RNPEP: variants seen among roughly 807,000 people sequenced by gnomAD.
The protein encoded by RNPEP is aminopeptidase B.
RNPEP carries 57 observed loss-of-function variants against 70.1 expected under a neutral mutation model. The ratio of observed to expected loss-of-function variants is 0.81; its 90% CI spans 0.66 to 1.01. The LOEUF (loss-of-function observed/expected upper bound fraction) is 1.01, where lower values mean the gene tolerates loss of function less well. Among genes scored for constraint, RNPEP ranks in the 50% least tolerant of loss-of-function variants. The pLI is 0.00. For synonymous variants in RNPEP, 335 were observed against 357.4 expected, an observed-to-expected ratio of 0.94 and a Z score of 0.71; for missense variants, 787 against 852.4, an observed-to-expected ratio of 0.92 and a Z score of 0.96.
intron 1 of RNPEP, among the ~76,000 whole-genome samples, chr1:201,987,025 C>A (rs549663536): frequency 6.6e-6 from 1 of 152,268 alleles, no homozygotes; most frequent in African/African-American, 2.4e-5. Flanking sequence ...TTTTCACACA[C>A]AAAAACTCAA....
chr1:201,996,045 C>G, intron 3 of RNPEP, 102 bp from the exon 4 acceptor site: 1 of 833,574 alleles, frequency 1.2e-6, no homozygotes. Flanking sequence ...TGCATTGTCA[C>G]ATTCACTTGG....
chr1:201,988,457 C>CA (rs142459545), intron 1 of RNPEP, among the ~76,000 whole-genome samples: 1,203 of 114,216 alleles, frequency 0.011, 47 homozygotes, highest in African/African-American at 0.031. Flanking sequence ...TACTCTGTCT[C>CA]AAAAAAAAAA....
intron 1 of RNPEP, among the ~76,000 whole-genome samples, chr1:201,986,183 C>A (rs1220125219): frequency 6.6e-6 from 1 of 152,262 alleles, no homozygotes; most frequent in African/African-American, 2.4e-5. Context: ...ATTCTCCCAT[C>A]TTGGCCTCCC....
At position 202,001,704 on chromosome 1, in the gene RNPEP, T is replaced by C. The variant is rs377258379; in HGVS notation, c.1363T>C (p.Phe455Leu). 1.2e-6 allele frequency: 2 copies of C among 1,613,902 alleles called. No individual in the cohort carries two copies. The highest frequency in any genetic ancestry group is 2.7e-5 in the African/African-American group (2 of 75,026). The change falls in exon 8 of 11, where the codon TTT (phenylalanine) becomes CTT (leucine). Residue 455 changes from phenylalanine (F) to leucine (L), a missense_variant. Coordinates refer to ENST00000295640, the MANE Select transcript of RNPEP (RefSeq NM_020216.4). ...ATTCCGAAGCATCTTAGCCGATGAC[T>C]TTCTGGACTTCTACTTGGAATATTT... ...FKFRSILADD[F>L]LDFYLEYFPE...
intron 5 of RNPEP, among the ~76,000 whole-genome samples, chr1:201,998,229 ACT>A (rs1683640191): frequency 1.0e-5 from 1 of 99,654 alleles, no homozygotes; most frequent in African/African-American, 3.8e-5. Context: ...CTGGGTCTGA[ACT>A]TTTTTTTTTT....
rs1289651955 is a variant in RNPEP at position 202,001,731 on chromosome 1, C to A, written c.1390C>A (p.Pro464Thr). ...TCTGGACTTCTACTTGGAATATTTC[C>A]CTGAGCTTAAGAAAAAGAGAGTGGA... ...DFLDFYLEYF[P>T]ELKKKRVDII... The change falls in exon 8 of 11, where the codon CCT (proline) becomes ACT (threonine). Residue 464 changes from proline (P) to threonine (T), a missense_variant. By Grantham distance (38) the Pro-to-Thr change is conservative. Transcript: ENST00000295640. 6.2e-7 allele frequency: 1 copy of A among 1,612,252 alleles called. No homozygotes were observed. The highest frequency in any genetic ancestry group is 1.3e-5 in the African/African-American group (1 of 74,858).
chr1:201,993,633 G>A (rs1683426154), intron 3 of RNPEP, among the ~76,000 whole-genome samples: 1 of 150,932 alleles, frequency 6.6e-6, no homozygotes, highest in South Asian at 2.1e-4. Flanking sequence ...AACAAACTCG[G>A]CCAGGTGCAG....
intron 9 of RNPEP, among the ~76,000 whole-genome samples, 179 bp from the exon 10 acceptor site, chr1:202,004,175 C>T (rs1447578010): frequency 6.6e-6 from 1 of 152,164 alleles, no homozygotes; most frequent in African/African-American, 2.4e-5. Context: ...AGGCGTGCGC[C>T]ACCACACCCG....
Position 202,001,410 on chromosome 1 carries a change from C to T in RNPEP, c.1239C>T (p.Pro413=). The change falls in exon 7 of 11, where the codon CCC becomes CCT. Residue 413 remains proline (P), a synonymous_variant. Transcript: ENST00000295640. ...CGGACGACACCTATAATGAGACCCCCTACGAGAAAGGTTTCTGCTTTGTTT... is the reference window on the plus strand; with the variant it reads ...CGGACGACACCTATAATGAGACCCCTTACGAGAAAGGTTTCTGCTTTGTTT... ...VDPDDTYNET[P]YEKGFCFVSY... The T allele has an allele frequency of 6.2e-7, 1 of 1,613,968 alleles. No homozygotes were observed. The highest frequency in any genetic ancestry group is 1.7e-4 in the Middle Eastern group (1 of 6,056).
chr1:202,000,893 TAAA>T lies in RNPEP; in HGVS notation c.1205-466_1205-464del, dbSNP rs35891956. On this transcript the variant is annotated intron_variant, in intron 6 of 10. Coordinates refer to ENST00000295640, the MANE Select transcript of RNPEP (RefSeq NM_020216.4). ...TGGGTGATAGAGCAAGACTCCGTCT[TAAA>T]AAAAAAAAAAAAAAAACATTGATCT... The T allele has an allele frequency of 3.0e-3, 401 of 134,318 alleles. 2 individuals are homozygous for T. Among genetic ancestry groups the T allele is most frequent in the Middle Eastern group, 7.6e-3 (2 of 262 alleles). 8.3% of individuals were successfully genotyped at this position (134,318 alleles called of 1,614,324 possible). A position where few individuals can be genotyped will look rare whatever the true frequency, so the allele number is the denominator to read the frequency against.
intron 1 of RNPEP, chr1:201,983,582 T>C (rs1683019145): frequency 7.7e-7 from 1 of 1,299,962 alleles, no homozygotes; most frequent in South Asian, 1.3e-5. Context: ...GATGTTGATC[T>C]AGCTCTTTGT....
intron 1 of RNPEP, 155 bp downstream of exon 1, chr1:201,983,268 C>A (rs1683006791): frequency 1.4e-6 from 2 of 1,440,584 alleles, no homozygotes; most frequent in Non-Finnish European, 1.8e-6. Flanking sequence ...CGCCTCTAGG[C>A]CTCCTCCCCT....
In RNPEP at chr1:201,988,936, A is replaced by C. The variant is rs1442952552; in HGVS notation, c.480A>C (p.Gly160=). ...GGTTGGCTCCCGAGCAGACAGCAGGAAAGAAGAAGCCCTTCGTGTACACCC... is the reference window on the plus strand; with the variant it reads ...GGTTGGCTCCCGAGCAGACAGCAGGCAAGAAGAAGCCCTTCGTGTACACCC... ...VCWLAPEQTA[G]KKKPFVYTQG... is the part of the protein sequence containing the mutation. Residue 160 remains glycine, a synonymous_variant, in exon 2 of 11, where the codon GGA becomes GGC. Transcript: ENST00000295640. 2 of 1,613,082 alleles carry C rather than the reference A, an allele frequency of 1.2e-6. No individual in the cohort carries two copies. The highest frequency in any genetic ancestry group is 2.7e-5 in the African/African-American group (2 of 74,888).
At chr1:201,983,479 G>A in intron 1 of RNPEP, 1 of 1,366,878 alleles carries the variant, frequency 7.3e-7, no homozygotes, top group East Asian at 4.2e-5. Context: ...TGTTGTTCAT[G>A]CACTTCACTT....
intron 1 of RNPEP, among the ~76,000 whole-genome samples, chr1:201,986,536 C>CTTTCTTT (rs1553303391): frequency 3.5e-4 from 28 of 80,594 alleles, no homozygotes; most frequent in South Asian, 3.3e-3. Flanking sequence ...CATTTTCTTT[C>CTTTCTTT]TTTTTTTTTT....
intron 1 of RNPEP, among the ~76,000 whole-genome samples, chr1:201,986,364 G>C (rs1452288846): frequency 6.6e-6 from 1 of 152,092 alleles, no homozygotes; most frequent in Non-Finnish European, 1.5e-5. Flanking sequence ...CGAAGTGCTG[G>C]CATTACAGGT....
intron 3 of RNPEP, 37 bp from the exon 4 acceptor site, chr1:201,996,110 A>G: frequency 1.9e-6 from 3 of 1,560,236 alleles, no homozygotes; most frequent in Non-Finnish European, 1.8e-6. Context: ...GATGGTCTCT[A>G]AACACCATTC....
intron 4 of RNPEP, among the ~76,000 whole-genome samples, chr1:201,996,967 G>A (rs1433946661): frequency 6.6e-6 from 1 of 152,132 alleles, no homozygotes; most frequent in Non-Finnish European, 1.5e-5. Flanking sequence ...AAGGCTCCAG[G>A]TTGGTCTTTA....
rs767739533 is a variant in RNPEP, at chr1:201,999,984, A to T, written c.1173A>T (p.Pro391=). 1.1e-5 allele frequency: 18 copies of T among 1,613,744 alleles called. No homozygotes were observed. The highest frequency in any genetic ancestry group is 3.3e-5 in the Admixed American group (2 of 59,960). ...TGGACATCACTGGAGAGGAAAACCC[A>T]CTCAACAAGCTCCGCGTGAAGATTG... ...QHMDITGEEN[P]LNKLRVKIEP... is the part of the protein sequence containing the mutation. Residue 391 remains proline, a synonymous_variant, in exon 6 of 11, where the codon CCA becomes CCT. Coordinates refer to ENST00000295640, the MANE Select transcript of RNPEP (RefSeq NM_020216.4).
Sources: allele counts gnomAD v4.1 joint callset (sites outside exome capture counted in the v4.1 genomes callset), GRCh38; gene constraint gnomAD v4.1.1; transcripts MANE v1.5; gene names NCBI Gene and HGNC (gene_info 2026-07-23, HGNC 2026-07-21).